Variants in STK3 observed in about 807,000 individuals in gnomAD.
STK3 encodes the protein serine/threonine kinase 3, also known as serine/threonine-protein kinase 3.
STK3 carries 41 observed loss-of-function variants against 58.0 expected under a neutral mutation model. The observed-to-expected ratio is 0.71, with a 90% CI of 0.55 to 0.92. The LOEUF is 0.92. STK3 is among the 40% of genes least tolerant of loss of function. STK3 has a pLI of 0.00. For missense variants in STK3, 479 were observed against 602.7 expected (o/e 0.79, Z 2.15); for synonymous variants, 170 against 191.0 (o/e 0.89, Z 0.91).
At chr8:98,941,612 G>A (rs2132069215) in intron 1 of STK3, among the ~76,000 whole-genome samples, 1 of 152,388 alleles carries the variant, frequency 6.6e-6, no homozygotes, top group South Asian at 2.1e-4. Context: ...CAACTCCAGG[G>A]AAGTCTGTGT....
At chr8:98,808,544 TTTA>T (rs1469368579) in intron 1 of STK3, among the ~76,000 whole-genome samples, 1 of 152,216 alleles carries the variant, frequency 6.6e-6, no homozygotes, top group African/African-American at 2.4e-5. Context: ...AAGGCTTTTT[TTTA>T]TTATTGTGGC....
At chr8:98,439,871 A>C (rs1181544009) in intron 1 of STK3, among the ~76,000 whole-genome samples, 1 of 152,222 alleles carries the variant, frequency 6.6e-6, no homozygotes, top group Non-Finnish European at 1.5e-5. Flanking sequence ...TGAAGCTGGC[A>C]GCGCATGTGC....
intron 2 of STK3, among the ~76,000 whole-genome samples, chr8:98,773,086 T>C (rs1831423708): frequency 6.6e-6 from 1 of 152,170 alleles, no homozygotes; most frequent in Non-Finnish European, 1.5e-5. Context: ...TATATAGACA[T>C]ACAGGTACTT....
chr8:98,742,124 G>A (rs568165278), intron 4 of STK3, among the ~76,000 whole-genome samples: 7 of 151,830 alleles, frequency 4.6e-5, no homozygotes, highest in African/African-American at 1.5e-4. Flanking sequence ...AGGACCAGAT[G>A]GATTCACAGC....
At chr8:98,740,314 G>T (rs1472420782) in intron 4 of STK3, among the ~76,000 whole-genome samples, 1 of 152,170 alleles carries the variant, frequency 6.6e-6, no homozygotes, top group East Asian at 1.9e-4. Flanking sequence ...AAGTTAAAAT[G>T]AAGGAAAAAA....
intron 10 of STK3, among the ~76,000 whole-genome samples, chr8:98,509,439 T>C (rs1324107138): frequency 6.6e-6 from 1 of 151,910 alleles, no homozygotes; most frequent in Non-Finnish European, 1.5e-5. Context: ...AAAATACAAG[T>C]TTTACTTAGA....
At chr8:98,594,865 T>C (rs1392756982) in intron 7 of STK3, 2 of 152,210 alleles carry the variant, frequency 1.3e-5, no homozygotes, top group African/African-American at 4.8e-5. Flanking sequence ...AGTTACCTTT[T>C]CTGGAGGCCA....
chr8:98,789,388 G>T (rs1832668768), intron 1 of STK3, among the ~76,000 whole-genome samples: 1 of 151,584 alleles, frequency 6.6e-6, no homozygotes, highest in Admixed American at 6.6e-5. Context: ...CCCAGTATAA[G>T]AAAGGAAATA....
At chr8:98,512,408 A>T (rs1824590509) in intron 10 of STK3, among the ~76,000 whole-genome samples, 1 of 152,216 alleles carries the variant, frequency 6.6e-6, no homozygotes, top group South Asian at 2.1e-4. Flanking sequence ...CAAAGTATAA[A>T]ATATTACTTT....
chr8:98,493,108 T>C (rs1428934183), intron 10 of STK3, among the ~76,000 whole-genome samples: 1 of 151,276 alleles, frequency 6.6e-6, no homozygotes, highest in East Asian at 1.9e-4. Flanking sequence ...AGTGTGCACC[T>C]GTAGTCCCAG....
chr8:98,747,699 C>T (rs773498672), intron 4 of STK3, among the ~76,000 whole-genome samples: 3 of 152,180 alleles, frequency 2.0e-5, no homozygotes, highest in Non-Finnish European at 2.9e-5. Context: ...TTAATAGGAG[C>T]TGTCATCAAG....
At chr8:98,734,817 A>C (rs1828452739) in intron 4 of STK3, among the ~76,000 whole-genome samples, 1 of 152,052 alleles carries the variant, frequency 6.6e-6, no homozygotes, top group Non-Finnish European at 1.5e-5. Flanking sequence ...AAAACTTGAA[A>C]ACACTTGACT....
chr8:98,467,086 C>T (rs1193328348), intron 10 of STK3, among the ~76,000 whole-genome samples: 1 of 152,148 alleles, frequency 6.6e-6, no homozygotes, highest in African/African-American at 2.4e-5. Flanking sequence ...TTTAGTGGCA[C>T]ACCAGTGGGT....
rs902363249 is a variant in STK3, at chr8:98,584,343, A to G, written c.823-4554T>C. Among the ~76,000 whole-genome samples, 36 of 150,966 alleles carry G rather than the reference A, an allele frequency of 2.4e-4. 1 individual carries two copies. The highest frequency in any genetic ancestry group is 4.0e-4 in the East Asian group (2 of 5,062). ...AATTCCCACCTATGAGTGAGAATAT[A>G]CGGTGTTTGGTTTTTTGTTCTTGCG... On this transcript the variant is annotated intron_variant, in intron 7 of 10. Transcript: ENST00000419617.
intron 3 of STK3, among the ~76,000 whole-genome samples, chr8:98,763,555 T>G (rs1830761843): frequency 6.6e-6 from 1 of 152,252 alleles, no homozygotes; most frequent in African/African-American, 2.4e-5. Context: ...TTTCAATTCA[T>G]ACTGTTTTCT....
chr8:98,390,412 C>T (rs930072043), upstream of STK3, among the ~76,000 whole-genome samples: 3 of 152,180 alleles, frequency 2.0e-5, no homozygotes, highest in African/African-American at 7.2e-5. Flanking sequence ...AATTATACCA[C>T]TATAAGTAGT....
intron 1 of STK3, among the ~76,000 whole-genome samples, chr8:98,921,865 G>C (rs1003079065): frequency 5.3e-5 from 8 of 152,048 alleles, no homozygotes; most frequent in Admixed American, 5.2e-4. Flanking sequence ...TTAAGTTTTT[G>C]TATTTTTTAG....
chr8:98,441,938 C>T (rs551435736), intron 1 of STK3, among the ~76,000 whole-genome samples: 7 of 152,318 alleles, frequency 4.6e-5, no homozygotes, highest in African/African-American at 1.7e-4. Context: ...TTTCCAGCTG[C>T]CCCCAGGATA....
chr8:98,460,658 G>A (rs1164634798), intron 10 of STK3, among the ~76,000 whole-genome samples: 1 of 152,156 alleles, frequency 6.6e-6, no homozygotes, highest in Admixed American at 6.5e-5. Context: ...GGTGGGAGGT[G>A]ACTGGATCAT....
Sources: allele counts gnomAD v4.1 joint callset (sites outside exome capture counted in the v4.1 genomes callset), GRCh38; gene constraint gnomAD v4.1.1; transcripts MANE v1.5; gene names NCBI Gene and HGNC (gene_info 2026-07-23, HGNC 2026-07-21).